The following KIF13A variants were observed in gnomAD, a reference collection of about 807,000 sequenced individuals.
KIF13A encodes kinesin family member 13A.
KIF13A carries 79 observed loss-of-function variants against 212.2 expected under a neutral mutation model. That is an observed-to-expected ratio of 0.37 (90% confidence interval 0.31 to 0.45). The LOEUF is 0.45. Ranked by LOEUF, KIF13A falls within the 20% of genes least tolerant of loss-of-function variation. KIF13A has a pLI of 1.00. For missense variants in KIF13A, 1,901 were observed against 2,209.0 expected, an observed-to-expected ratio of 0.86 and a Z score of 2.79; for synonymous variants, 789 against 808.6, an observed-to-expected ratio of 0.98 and a Z score of 0.41.
At chr6:17,801,173 G>A (rs1036569613) in intron 20 of KIF13A, among the ~76,000 whole-genome samples, 3 of 152,074 alleles carry the variant, frequency 2.0e-5, no homozygotes, top group Admixed American at 2.0e-4. Context: ...GCAACTCACA[G>A]TAAAGGGAGG....
intron 2 of KIF13A, among the ~76,000 whole-genome samples, chr6:17,975,056 A>G (rs916041533): frequency 6.6e-6 from 1 of 152,140 alleles, no homozygotes; most frequent in Non-Finnish European, 1.5e-5. Context: ...AGAAATGCAC[A>G]TTCCCAGCTG....
intron 38 of KIF13A, among the ~76,000 whole-genome samples, chr6:17,766,335 G>A (rs1017484835): frequency 4.6e-5 from 7 of 151,420 alleles, no homozygotes; most frequent in African/African-American, 1.5e-4. Context: ...CATCTCCCAG[G>A]TTCAAGCAAT....
At chr6:17,946,683 A>G (rs770533225) in intron 2 of KIF13A, among the ~76,000 whole-genome samples, 5 of 152,228 alleles carry the variant, frequency 3.3e-5, no homozygotes, top group Non-Finnish European at 7.3e-5. Context: ...ACTACTTAGG[A>G]AATCAATTTT....
At chr6:17,983,318 C>T (rs936368366) in intron 2 of KIF13A, among the ~76,000 whole-genome samples, 7 of 151,980 alleles carry the variant, frequency 4.6e-5, no homozygotes, top group Non-Finnish European at 8.8e-5. Flanking sequence ...ACCCATTTTC[C>T]GAGAGGTGAA....
rs1396945182 is a variant in KIF13A, at chr6:17,971,349, T to C, written c.146+15705A>G. On this transcript the variant is annotated intron_variant, in intron 2 of 38. Coordinates refer to ENST00000259711, the MANE Select transcript of KIF13A (RefSeq NM_022113.6). This position sits in a 1 kb window ranked among gnomAD's most constrained non-coding sequence, Gnocchi z 4.2. ...ATCCAAGTTTTAAATTCTGAGATTATGTCCTTTCTCCTATTCTGGTGTTAA... is the reference window on the plus strand; with the variant it reads ...ATCCAAGTTTTAAATTCTGAGATTACGTCCTTTCTCCTATTCTGGTGTTAA... Among the ~76,000 whole-genome samples, 3 of 152,244 alleles carry C rather than the reference T, an allele frequency of 2.0e-5. No homozygotes were observed. Among genetic ancestry groups the C allele is most frequent in the Non-Finnish European group, 4.4e-5 (3 of 68,044 alleles).
chr6:17,952,316 A>G (rs903573120), intron 2 of KIF13A, among the ~76,000 whole-genome samples: 2 of 151,290 alleles, frequency 1.3e-5, no homozygotes, highest in East Asian at 1.9e-4. Context: ...AAAAAAAAAA[A>G]AAAAGAAAAT....
intron 9 of KIF13A, among the ~76,000 whole-genome samples, chr6:17,841,070 C>T (rs922763389): frequency 3.2e-4 from 48 of 148,556 alleles, no homozygotes; most frequent in African/African-American, 1.1e-3. Flanking sequence ...AAGCCCAAAA[C>T]CCCTTTTCCT....
chr6:17,780,886 C>A lies in KIF13A; in HGVS notation c.3690G>T (p.Trp1230Cys). Reference sequence around the variant, plus strand: ...GAACAGAATCATGCACCGAGGAATCCCAAGAGGCTGTGGCTGAAACCTAGG... The same window carrying A: ...GAACAGAATCATGCACCGAGGAATCACAAGAGGCTGTGGCTGAAACCTAGG... ...SDDEVSATAS[W>C]DSSVHDSVHL... Residue 1230 changes from tryptophan (W) to cysteine (C), a missense_variant, in exon 31 of 39, where the codon TGG (tryptophan) becomes TGT (cysteine). By Grantham distance (215) the Trp-to-Cys change is radical. This residue lies in a region of KIF13A where 687 missense variants were observed against 759.1 expected (regional missense o/e 0.90). Coordinates refer to ENST00000259711, the MANE Select transcript of KIF13A (RefSeq NM_022113.6). The A allele has an allele frequency of 1.2e-6, 2 of 1,613,538 alleles. No homozygotes were observed. The highest frequency in any genetic ancestry group is 1.7e-6 in the Non-Finnish European group (2 of 1,179,668).
At chr6:17,931,873 A>G (rs1776013946) in intron 2 of KIF13A, among the ~76,000 whole-genome samples, 1 of 152,228 alleles carries the variant, frequency 6.6e-6, no homozygotes, top group African/African-American at 2.4e-5. Context: ...CAGTAATCCC[A>G]TTATCCAGAC....
At chr6:17,767,404 G>A (rs979211164) in intron 38 of KIF13A, among the ~76,000 whole-genome samples, 1 of 152,012 alleles carries the variant, frequency 6.6e-6, no homozygotes, top group Non-Finnish European at 1.5e-5. Context: ...ACAGGTGTCC[G>A]CCACCATGCC....
chr6:17,901,659 A>G lies in KIF13A; in HGVS notation c.147-3479T>C, dbSNP rs148543621. Among the ~76,000 whole-genome samples, 530 of 152,322 alleles carry G rather than the reference A, an allele frequency of 3.5e-3. 5 individuals carry two copies. The highest frequency in any genetic ancestry group is 0.012 in the African/African-American group (501 of 41,578). On this transcript the variant is annotated intron_variant, in intron 2 of 38. Transcript: ENST00000259711. ...CTTTCCCTTCATGCCCCTTCAGTGG[A>G]GTCCCAAACCCCTTCCATTTTGGAG...
rs754253648 is a variant in KIF13A at position 17,785,600 on chromosome 6, C to G, written c.3403G>C (p.Glu1135Gln). ...DDVEREAQLVEQWVGLTEERN... is the reference protein window; with the variant it reads ...DDVEREAQLVQQWVGLTEERN... ...TCCTCAGTCAGCCCTACCCACTGCT[C>G]CACAAGCTGGGCTTCCCGCTCCACA... The change falls in exon 28 of 39, where the codon GAG becomes CAG. Residue 1135 changes from glutamate to glutamine, a missense_variant. By Grantham distance (29) the Glu-to-Gln change is conservative (BLOSUM62 2). Around this residue, in one of 5 missense-constraint regions of KIF13A, gnomAD observed 168 missense variants for 250.9 expected, o/e 0.67. Coordinates refer to ENST00000259711, the MANE Select transcript of KIF13A (RefSeq NM_022113.6). This position sits in a 1 kb window ranked among gnomAD's most constrained non-coding sequence, Gnocchi z 5.8. 1 of 1,606,362 alleles carries G rather than the reference C, an allele frequency of 6.2e-7. No homozygotes were observed.
In KIF13A at chr6:17,826,070, G is replaced by A. The variant is rs1215533180; in HGVS notation, c.1587C>T (p.Asp529=). 6 of 1,613,956 alleles carry A rather than the reference G, an allele frequency of 3.7e-6. No homozygotes were observed. Among genetic ancestry groups the A allele is most frequent in the East Asian group, 2.2e-5 (1 of 44,888 alleles). The change falls in exon 15 of 39, where the codon GAC becomes GAT. Residue 529 remains aspartate (D), a synonymous_variant. Transcript: ENST00000259711. The surrounding 1 kb of genome is among the most constrained non-coding windows in gnomAD (Gnocchi z 4.7). ...AGTGATTATTTCCCCATAGGATTCG[G>A]TCACCATGCCACAGCTGGGTGGTAC... ...VCSTTQLWHG[D]RILWGNNHFF... is the part of the protein sequence containing the mutation.
chr6:17,762,642 G>A (rs755074351), downstream of KIF13A, among the ~76,000 whole-genome samples: 5 of 152,298 alleles, frequency 3.3e-5, no homozygotes, highest in Middle Eastern at 3.4e-3. Context: ...CCTTCTTGAC[G>A]AACAAGGGTT....
intron 2 of KIF13A, among the ~76,000 whole-genome samples, chr6:17,983,226 ATACT>A (rs918666559): frequency 1.3e-5 from 2 of 152,008 alleles, no homozygotes; most frequent in African/African-American, 4.8e-5. Flanking sequence ...AAATATATAA[ATACT>A]TATTTGTGTA....
chr6:17,877,618 C>G (rs757216680), intron 3 of KIF13A, among the ~76,000 whole-genome samples: 1 of 152,046 alleles, frequency 6.6e-6, no homozygotes, highest in East Asian at 1.9e-4. Flanking sequence ...TAAGTCAACT[C>G]TCCTTACTTT....
chr6:17,796,710 C>T lies in KIF13A; in HGVS notation c.2901G>A (p.Glu967=). The change falls in exon 23 of 39, where the codon GAG becomes GAA. Residue 967 remains glutamate (E), a synonymous_variant. Transcript: ENST00000259711. ...TTGTCTTAGCATGAAGAGAATCGAC[C>T]TCCCAGATGGAGCTGCCATTTCCAG... ...RCAGNGSSIW[E]VDSLHAKTRT... 6.3e-7 allele frequency: 1 copy of T among 1,584,250 alleles called. No homozygotes were observed. The highest frequency in any genetic ancestry group is 1.1e-5 in the South Asian group (1 of 87,270).
intron 2 of KIF13A, among the ~76,000 whole-genome samples, chr6:17,929,059 C>CA (rs375511285): frequency 0.056 from 2,045 of 36,472 alleles, 79 homozygotes; most frequent in African/African-American, 0.13. Flanking sequence ...AAGAATTTCT[C>CA]AAAAAAAAAA....
chr6:17,770,944 G>C, intron 38 of KIF13A, 170 bp downstream of exon 38: 1 of 537,936 alleles, frequency 1.9e-6, no homozygotes, highest in South Asian at 3.2e-5. Flanking sequence ...TAAAATTGTA[G>C]GTCATGGCCA....
Sources: allele counts gnomAD v4.1 joint callset (sites outside exome capture counted in the v4.1 genomes callset), GRCh38; gene constraint gnomAD v4.1.1; regional missense constraint gnomAD v4.1.1; non-coding constraint Gnocchi (gnomAD v3.1); transcripts MANE v1.5; gene names NCBI Gene and HGNC (gene_info 2026-07-23, HGNC 2026-07-21).